The following CERT1 variants were observed in gnomAD, a reference collection of about 807,000 sequenced individuals.
The protein encoded by CERT1 is ceramide transporter 1.
CERT1 carries 31 observed loss-of-function variants against 87.9 expected under a neutral mutation model. The observed-to-expected ratio is 0.35, with a 90% CI of 0.27 to 0.48. The LOEUF is 0.48. Among genes scored for constraint, CERT1 ranks in the 20% least tolerant of loss-of-function variants. The pLI is 0.99. For synonymous variants in CERT1, 289 were observed against 250.9 expected (o/e 1.15, Z -1.44); for missense variants, 487 against 758.0 (o/e 0.64, Z 4.20).
intron 1 of CERT1, among the ~76,000 whole-genome samples, chr5:75,510,856 G>C (rs553999228): frequency 2.6e-5 from 4 of 152,218 alleles, no homozygotes; most frequent in South Asian, 2.1e-4. Context: ...CCCAAGTCAC[G>C]GCGCGCATCT....
chr5:75,455,699 G>A (rs1435300464), intron 3 of CERT1, among the ~76,000 whole-genome samples: 1 of 152,162 alleles, frequency 6.6e-6, no homozygotes, highest in Non-Finnish European at 1.5e-5. Flanking sequence ...TATAGTAGGA[G>A]AACTCAGATT....
Position 75,400,543 on chromosome 5 carries a change from T to C in CERT1, c.1018-246A>G, listed in dbSNP as rs140473945. The C allele has an allele frequency of 2.4e-3, 954 of 399,676 alleles. 4 individuals are homozygous for C. The highest frequency in any genetic ancestry group is 0.017 in the African/African-American group (850 of 49,278). 24.8% of individuals were successfully genotyped at this position (399,676 alleles called of 1,614,324 possible). On this transcript the variant is annotated intron_variant, in intron 9 of 16. Transcript: ENST00000643780. ...AGGCAAGGGATAAGTTCGTTGATTT[T>C]GCTCCTAGTCAGACTCCCTGCTACC...
intron 9 of CERT1, 155 bp downstream of exon 9, chr5:75,402,817 T>C (rs866117887): frequency 1.6e-5 from 8 of 496,626 alleles, no homozygotes; most frequent in Non-Finnish European, 2.2e-5. Context: ...AAAAAAAAGA[T>C]TATTTTACAT....
At chr5:75,386,181 T>C in intron 12 of CERT1, 147 bp from the exon 13 acceptor site, 1 of 579,188 alleles carries the variant, frequency 1.7e-6, no homozygotes, top group Non-Finnish European at 2.6e-6. Flanking sequence ...ATTAAAAATT[T>C]CAAATTAACA....
chr5:75,375,737 C>T (rs957575704), downstream of CERT1: 2 of 149,162 alleles, frequency 1.3e-5, no homozygotes, highest in African/African-American at 4.9e-5. Flanking sequence ...AAAGATGATA[C>T]ACACATTATT....
intron 3 of CERT1, among the ~76,000 whole-genome samples, chr5:75,428,757 T>C (rs1763738603): frequency 1.3e-5 from 2 of 151,822 alleles, no homozygotes; most frequent in African/African-American, 4.9e-5. Context: ...TTAACCTAGA[T>C]TGGGTTTTAA....
intron 2 of CERT1, among the ~76,000 whole-genome samples, chr5:75,498,478 C>A (rs966459813): frequency 1.3e-5 from 2 of 152,184 alleles, no homozygotes; most frequent in Non-Finnish European, 2.9e-5. Context: ...GGACCTGGCG[C>A]CCTGTGTCTC....
At chr5:75,463,827 T>G (rs1266934745) in intron 2 of CERT1, among the ~76,000 whole-genome samples, 1 of 152,094 alleles carries the variant, frequency 6.6e-6, no homozygotes, top group African/African-American at 2.4e-5. Flanking sequence ...AATATAACCA[T>G]GTGTGGAAAC....
chr5:75,382,767 T>C (rs1580693907), intron 14 of CERT1, among the ~76,000 whole-genome samples: 1 of 151,976 alleles, frequency 6.6e-6, no homozygotes, highest in Admixed American at 6.6e-5. Context: ...CTGAGAGTAA[T>C]AAATAGCATA....
chr5:75,432,300 T>C (rs1473997930), intron 3 of CERT1, among the ~76,000 whole-genome samples: 2 of 152,124 alleles, frequency 1.3e-5, no homozygotes, highest in Non-Finnish European at 2.9e-5. Context: ...GTAATCCGCC[T>C]GCCTTGGCCT....
chr5:75,400,509 T>TA, intron 9 of CERT1: 2 of 485,002 alleles, frequency 4.1e-6, no homozygotes, highest in Non-Finnish European at 7.3e-6. Context: ...ACTCCACAGA[T>TA]ACTATGTTAG....
chr5:75,409,127 A>C (rs1316680061), intron 8 of CERT1, among the ~76,000 whole-genome samples: 2 of 152,150 alleles, frequency 1.3e-5, no homozygotes, highest in Non-Finnish European at 2.9e-5. Context: ...AAAATAAGGT[A>C]CTTTAAAAAG....
At position 75,382,203 on chromosome 5, in the gene CERT1, A is replaced by G. The variant is rs1415785871; in HGVS notation, c.1489-126T>C. ...AATTTTAAATGGAAAGCATCTGAGG[A>G]TATCTACCAAATGATTAATTATGAA... On this transcript the variant is annotated intron_variant, in intron 14 of 16. Transcript: ENST00000643780. The G allele has an allele frequency of 3.9e-6, 3 of 762,404 alleles. No individual in the cohort carries two copies. The African/African-American group carries it at 5.3e-5, about 13-fold the overall frequency. The allele number at this position is 762,404 out of a possible 1,614,324, so 47.2% of individuals were successfully genotyped here.
intron 3 of CERT1, among the ~76,000 whole-genome samples, chr5:75,438,184 A>G (rs1345686492): frequency 6.6e-6 from 1 of 152,172 alleles, no homozygotes; most frequent in African/African-American, 2.4e-5. Context: ...TTAGTTTTTA[A>G]TTTCTCTCAA....
At chr5:75,417,986 G>A (rs1269647499) in intron 6 of CERT1, among the ~76,000 whole-genome samples, 3 of 152,110 alleles carry the variant, frequency 2.0e-5, no homozygotes, top group Admixed American at 6.5e-5. Context: ...GAGAAACCCC[G>A]TCTCCACTAA....
downstream of CERT1, chr5:75,376,134 A>C (rs576942474): frequency 3.3e-5 from 5 of 152,352 alleles, no homozygotes; most frequent in African/African-American, 1.2e-4. Flanking sequence ...AGAGTCAATG[A>C]AACACCGCTC....
At chr5:75,493,559 TTTG>T (rs1561302156) in intron 2 of CERT1, among the ~76,000 whole-genome samples, 1 of 152,208 alleles carries the variant, frequency 6.6e-6, no homozygotes, top group Non-Finnish European at 1.5e-5. Context: ...ATCCTTAACC[TTTG>T]TTGTTATGTT....
rs140893691 is a variant in CERT1 at position 75,417,186 on chromosome 5, C to T, written c.680-153G>A. The stretch of plus-strand genomic sequence containing the variant: ...AGGCCAACATTTAAAAATCTCCTAT[C>T]CAAGCTCTATAAGCAAAGAAGCTTC... On this transcript the variant is annotated intron_variant, in intron 6 of 16. Coordinates refer to ENST00000643780, the MANE Select transcript of CERT1 (RefSeq NM_001379029.1). 4.5e-3 allele frequency among the ~76,000 whole-genome samples: 691 copies of T among 152,298 alleles called. 3 individuals are homozygous for T. Among genetic ancestry groups the T allele is most frequent in the African/African-American group, 0.015 (635 of 41,570 alleles).
In CERT1 at chr5:75,511,078, G is replaced by C. The variant is rs375786772; in HGVS notation, c.96+34C>G. 2.0e-6 allele frequency: 3 copies of C among 1,512,094 alleles called. No individual in the cohort carries two copies. The Admixed American group carries it at 6.7e-5, about 34-fold the overall frequency. The allele number at this position is 1,512,094 out of a possible 1,614,324, so 93.7% of individuals were successfully genotyped here. On this transcript the variant is annotated intron_variant, in intron 1 of 16. Coordinates refer to ENST00000643780, the MANE Select transcript of CERT1 (RefSeq NM_001379029.1). ...GGATTGCCTCGCTGCAGGTGAGTCT[G>C]GCCAGGGGTCCCTTGGCACCAGGGG...
Sources: allele counts gnomAD v4.1 joint callset (sites outside exome capture counted in the v4.1 genomes callset), GRCh38; gene constraint gnomAD v4.1.1; transcripts MANE v1.5; gene names NCBI Gene and HGNC (gene_info 2026-07-23, HGNC 2026-07-21).